Variants in LPP observed in about 807,000 individuals in gnomAD.
The protein encoded by LPP is LIM domain containing preferred translocation partner in lipoma.
In LPP, 38 loss-of-function variants were observed where a neutral mutation model predicts 60.4. The ratio of observed to expected loss-of-function variants is 0.63; its 90% CI spans 0.49 to 0.83. LPP has a LOEUF of 0.83. Among genes scored for constraint, LPP ranks in the 40% least tolerant of loss-of-function variants. LPP has a pLI of 0.00. For synonymous variants in LPP, 328 were observed against 290.8 expected (o/e 1.13, Z -1.30); for missense variants, 902 against 783.6 (o/e 1.15, Z -1.80).
chr3:188,583,961 G>A (rs907349827), intron 6 of LPP, among the ~76,000 whole-genome samples: 2 of 152,078 alleles, frequency 1.3e-5, no homozygotes, highest in African/African-American at 4.8e-5. Flanking sequence ...CTTTCCTCTT[G>A]ATGTCTTGGT....
intron 9 of LPP, among the ~76,000 whole-genome samples, chr3:188,822,010 T>C (rs570884264): frequency 2.5e-4 from 38 of 152,298 alleles, no homozygotes; most frequent in Non-Finnish European, 4.4e-4. Context: ...GTTTGCTCCC[T>C]GATATCTCAT....
intron 7 of LPP, among the ~76,000 whole-genome samples, chr3:188,646,964 G>A (rs1034313428): frequency 6.6e-6 from 1 of 152,232 alleles, no homozygotes; most frequent in Admixed American, 6.5e-5. Flanking sequence ...GCCTTACTGT[G>A]AATATGTGCC....
intron 3 of LPP, among the ~76,000 whole-genome samples, chr3:188,396,800 A>G (rs979709672): frequency 5.9e-5 from 9 of 151,778 alleles, no homozygotes; most frequent in Non-Finnish European, 1.2e-4. Context: ...TCAAGGACTT[A>G]GAAGAAACCT....
intron 3 of LPP, among the ~76,000 whole-genome samples, chr3:188,391,228 C>T (rs1779627042): frequency 6.6e-6 from 1 of 152,184 alleles, no homozygotes; most frequent in Non-Finnish European, 1.5e-5. Context: ...GGAGATCAGA[C>T]TAGATTCGGC....
chr3:188,664,891 A>G (rs936744441), intron 7 of LPP, among the ~76,000 whole-genome samples: 4 of 152,156 alleles, frequency 2.6e-5, no homozygotes, highest in Admixed American at 1.3e-4. Flanking sequence ...ATTGAAAGCA[A>G]GAGAGTTCCT....
At chr3:188,306,844 A>G (rs1228761473) in intron 2 of LPP, among the ~76,000 whole-genome samples, 2 of 152,222 alleles carry the variant, frequency 1.3e-5, no homozygotes, top group East Asian at 1.9e-4. Context: ...TTAAAGCACT[A>G]TGAGAGATAC....
chr3:188,837,158 G>A (rs946174341), intron 9 of LPP, among the ~76,000 whole-genome samples: 1 of 152,022 alleles, frequency 6.6e-6, no homozygotes, highest in Non-Finnish European at 1.5e-5. Flanking sequence ...GAGGCAGGCA[G>A]ATCACAAGGT....
At chr3:188,551,003 A>G (rs1827980551) in intron 6 of LPP, among the ~76,000 whole-genome samples, 1 of 152,196 alleles carries the variant, frequency 6.6e-6, no homozygotes, top group Non-Finnish European at 1.5e-5. Context: ...AGAATTATAT[A>G]AATTTTTATA....
chr3:188,455,882 TA>T (rs916292269), intron 4 of LPP, among the ~76,000 whole-genome samples: 32 of 152,136 alleles, frequency 2.1e-4, no homozygotes, highest in African/African-American at 5.3e-4. Context: ...ACTTGGCATT[TA>T]AAAAAAAATT....
At chr3:188,532,891 T>C (rs1361007840) in intron 6 of LPP, among the ~76,000 whole-genome samples, 1 of 152,206 alleles carries the variant, frequency 6.6e-6, no homozygotes, top group Non-Finnish European at 1.5e-5. Context: ...GCTGGTCCTT[T>C]CTGAATGCTG....
chr3:188,607,394 TATATATATATATATATATATATAA>T (rs1259262746), intron 6 of LPP, among the ~76,000 whole-genome samples: 1,248 of 32,078 alleles, frequency 0.039, 42 homozygotes, highest in African/African-American at 0.14. Context: ...TATATATATA[TATATATATATATATATATATATAA>T]TTTTTTTTTC....
At chr3:188,863,247 G>A (rs568583605) in intron 9 of LPP, among the ~76,000 whole-genome samples, 4 of 152,170 alleles carry the variant, frequency 2.6e-5, no homozygotes, top group Non-Finnish European at 5.9e-5. Flanking sequence ...TGAGAAAACT[G>A]AGATCGAAGG....
intron 3 of LPP, among the ~76,000 whole-genome samples, chr3:188,381,175 C>T (rs1012818637): frequency 7.2e-6 from 1 of 137,976 alleles, no homozygotes; most frequent in Non-Finnish European, 1.6e-5. Flanking sequence ...TAGCTGTTAA[C>T]GTGTGACACG....
intron 2 of LPP, among the ~76,000 whole-genome samples, chr3:188,296,327 G>A (rs187107879): frequency 5.9e-5 from 9 of 152,112 alleles, no homozygotes; most frequent in African/African-American, 1.2e-4. Flanking sequence ...GTGAGGATTC[G>A]GGGGATGGAG....
At chr3:188,558,725 AT>A in intron 6 of LPP, among the ~76,000 whole-genome samples, 1 of 152,214 alleles carries the variant, frequency 6.6e-6, no homozygotes, top group African/African-American at 2.4e-5. Context: ...ACCACAGTTA[AT>A]TTGCCATTTC....
chr3:188,711,906 C>T (rs966173989), intron 8 of LPP: 2 of 152,116 alleles, frequency 1.3e-5, no homozygotes, highest in Admixed American at 6.5e-5. Context: ...TAAAATTGTG[C>T]TAATTGAGAT....
At chr3:188,563,883 A>C (rs1360956025) in intron 6 of LPP, among the ~76,000 whole-genome samples, 1 of 151,748 alleles carries the variant, frequency 6.6e-6, no homozygotes, top group African/African-American at 2.4e-5. Context: ...CTCTAAACAG[A>C]CACTTGTGGC....
chr3:188,290,705 G>C (rs1745655817), intron 2 of LPP, among the ~76,000 whole-genome samples: 1 of 152,222 alleles, frequency 6.6e-6, no homozygotes, highest in Non-Finnish European at 1.5e-5. Flanking sequence ...CTTGACCTTT[G>C]TTTATCTGAA....
intron 2 of LPP, among the ~76,000 whole-genome samples, chr3:188,325,952 CTCTCTCAT>C (rs1758313214): frequency 6.6e-6 from 1 of 152,194 alleles, no homozygotes; most frequent in East Asian, 1.9e-4. Flanking sequence ...AACAAAGAGT[CTCTCTCAT>C]TCTTTTTCCC....
Sources: gnomAD v4.1 joint callset for allele counts (sites outside exome capture counted in the v4.1 genomes callset) on GRCh38, gnomAD v4.1.1 for gene constraint, MANE v1.5 for transcripts, NCBI Gene and HGNC (gene_info 2026-07-23, HGNC 2026-07-21) for gene names.